QTGAL: variants seen among roughly 807,000 people sequenced by gnomAD.
The protein encoded by QTGAL is queuosine-tRNA galactosyltransferase.
At chr17:83,036,657 G>C in the QTGAL span, among the ~76,000 whole-genome samples, 1 of 152,194 alleles carries the variant, frequency 6.6e-6, no homozygotes, top group Admixed American at 6.5e-5. Context: ...AGGGAGCTGT[G>C]GCAAGAGCCT....
At chr17:83,006,248 G>C in the QTGAL span, 1 of 985,550 alleles carries the variant, frequency 1.0e-6, no homozygotes, top group Non-Finnish European at 1.2e-6. The surrounding 1 kb of genome is among the most constrained non-coding windows in gnomAD (Gnocchi z 5.8). Context: ...GTCACACCGA[G>C]GCATCTGAGG....
the QTGAL span, chr17:82,965,520 G>A: frequency 1.7e-5 from 15 of 889,156 alleles, no homozygotes; most frequent in African/African-American, 2.3e-4. Context: ...GGACCCTCAG[G>A]CAGGGGTTTC....
At chr17:82,942,232 C>T in the QTGAL span, 1 of 605,068 alleles carries the variant, frequency 1.7e-6, no homozygotes. Flanking sequence ...ACCTCCCTTC[C>T]CGCTCCCCAG....
the QTGAL span, chr17:82,961,211 T>C: frequency 1.3e-6 from 2 of 1,596,596 alleles, no homozygotes; most frequent in Non-Finnish European, 1.7e-6. Flanking sequence ...GAGGCATCAC[T>C]GGGGCCCCAG....
the QTGAL span, among the ~76,000 whole-genome samples, chr17:83,015,003 G>C: frequency 6.6e-6 from 1 of 151,476 alleles, no homozygotes. The surrounding 1 kb of genome is among the most constrained non-coding windows in gnomAD (Gnocchi z 4.4). Flanking sequence ...CTGTGGAGGG[G>C]GACCGTCTGC....
chr17:82,962,856 G>A, the QTGAL span, among the ~76,000 whole-genome samples: 1 of 152,184 alleles, frequency 6.6e-6, no homozygotes, highest in Admixed American at 6.5e-5. Context: ...CCGCTCCCGG[G>A]TGGTGCCTCT....
At chr17:83,018,997 CT>C in the QTGAL span, among the ~76,000 whole-genome samples, 2 of 152,330 alleles carry the variant, frequency 1.3e-5, no homozygotes, top group African/African-American at 4.8e-5. Context: ...TTCCTGCCCC[CT>C]GACGTTGTGG....
At chr17:83,005,831 CT>C in the QTGAL span, 1 of 1,294,496 alleles carries the variant, frequency 7.7e-7, no homozygotes, top group Non-Finnish European at 1.0e-6. The surrounding 1 kb of genome is among the most constrained non-coding windows in gnomAD (Gnocchi z 5.6). Flanking sequence ...CTGCCTCAGC[CT>C]TTCTCAACCC....
the QTGAL span, among the ~76,000 whole-genome samples, chr17:83,049,421 T>C: frequency 6.7e-6 from 1 of 150,272 alleles, no homozygotes; most frequent in Non-Finnish European, 1.5e-5. Flanking sequence ...GGTTTTTTTT[T>C]TTTTTTTCTG....
chr17:82,956,221 T>C, the QTGAL span, among the ~76,000 whole-genome samples: 1 of 150,332 alleles, frequency 6.7e-6, no homozygotes, highest in African/African-American at 2.4e-5. This position sits in a 1 kb window ranked among gnomAD's most constrained non-coding sequence, Gnocchi z 5.7. Flanking sequence ...CTCCCCACGC[T>C]TGGGGAAAAA....
At chr17:83,011,255 A>C in the QTGAL span, among the ~76,000 whole-genome samples, 1 of 152,222 alleles carries the variant, frequency 6.6e-6, no homozygotes, top group Non-Finnish European at 1.5e-5. Flanking sequence ...ACAGGGCGCA[A>C]TGCGGGTTCC....
chr17:83,005,789 C>T, the QTGAL span: 2 of 1,027,276 alleles, frequency 1.9e-6, no homozygotes, highest in African/African-American at 3.2e-5. This position sits in a 1 kb window ranked among gnomAD's most constrained non-coding sequence, Gnocchi z 5.6. Flanking sequence ...CCTTGACCCC[C>T]TCCCGGGCCC....
chr17:83,045,919 G>A, the QTGAL span, among the ~76,000 whole-genome samples: 9 of 152,144 alleles, frequency 5.9e-5, no homozygotes, highest in South Asian at 1.7e-3. Flanking sequence ...TGCCTCCCGG[G>A]TTCAAGCAAT....
At chr17:83,033,664 G>A in the QTGAL span, among the ~76,000 whole-genome samples, 1 of 151,882 alleles carries the variant, frequency 6.6e-6, no homozygotes, top group African/African-American at 2.4e-5. Context: ...GTAGAGACGG[G>A]GTTTCACCGT....
the QTGAL span, among the ~76,000 whole-genome samples, chr17:82,999,745 A>G: frequency 0.012 from 1,845 of 152,288 alleles, 42 homozygotes; most frequent in African/African-American, 0.042. Flanking sequence ...TGAAATGACC[A>G]CAGCTGCAGC....
chr17:82,948,558 C>T, the QTGAL span: 1 of 152,282 alleles, frequency 6.6e-6, no homozygotes, highest in East Asian at 1.9e-4. Context: ...ACCCCAAACA[C>T]GTGGAGTGAA....
At chr17:83,037,892 G>A in the QTGAL span, among the ~76,000 whole-genome samples, 21 of 152,288 alleles carry the variant, frequency 1.4e-4, no homozygotes, top group Middle Eastern at 3.4e-3. This position sits in a 1 kb window ranked among gnomAD's most constrained non-coding sequence, Gnocchi z 5.2. Flanking sequence ...AAATGTTTGC[G>A]TGGGGCTCCT....
At chr17:82,985,301 A>G in the QTGAL span, among the ~76,000 whole-genome samples, 2 of 152,256 alleles carry the variant, frequency 1.3e-5, no homozygotes, top group African/African-American at 4.8e-5. Flanking sequence ...TGTGACTCAG[A>G]CAATGAACAT....
the QTGAL span, among the ~76,000 whole-genome samples, chr17:83,024,375 C>T: frequency 1.1e-3 from 174 of 152,344 alleles, no homozygotes; most frequent in African/African-American, 3.6e-3. Context: ...TTTCTTGAAC[C>T]GGAAATCAAG....
Sources: gnomAD v4.1 joint callset for allele counts (sites outside exome capture counted in the v4.1 genomes callset) on GRCh38, gnomAD v4.1.1 for gene constraint, Gnocchi (gnomAD v3.1) non-coding constraint, MANE v1.5 for transcripts, NCBI Gene and HGNC (gene_info 2026-07-23, HGNC 2026-07-21) for gene names.